The following PRDM16 variants were observed in gnomAD, a reference collection of about 807,000 sequenced individuals.
PRDM16 encodes histone-lysine N-methyltransferase PRDM16.
A neutral mutation model predicts 110.6 loss-of-function variants in PRDM16; 23 were observed. The observed-to-expected ratio is 0.21, with a 90% CI of 0.15 to 0.29. The LOEUF (loss-of-function observed/expected upper bound fraction) is 0.29, where lower values mean the gene tolerates loss of function less well. Ranked by LOEUF, PRDM16 falls within the 10% of genes least tolerant of loss-of-function variation. The pLI is 1.00. For missense variants in PRDM16, 1,615 were observed against 1,794.3 expected (o/e 0.90, Z 1.81); for synonymous variants, 799 against 781.8 (o/e 1.02, Z -0.37).
rs1386351372 is a variant in PRDM16 at position 3,255,103 on chromosome 1, T to C, written c.438+10966T>C. Among the ~76,000 whole-genome samples the C allele has an allele frequency of 2.0e-5, 3 of 152,068 alleles. No homozygotes were observed. The highest frequency in any genetic ancestry group is 4.2e-4 in the South Asian group (2 of 4,800). On this transcript the variant is annotated intron_variant, in intron 3 of 16. Transcript: ENST00000270722. This position sits in a 1 kb window ranked among gnomAD's most constrained non-coding sequence, Gnocchi z 4.7. Reference sequence around the variant, plus strand: ...TGGTGCTGGGAAAACTGGCTAGCCATATGTAGAAAGCTGAAACTGGATCCC... The same window carrying C: ...TGGTGCTGGGAAAACTGGCTAGCCACATGTAGAAAGCTGAAACTGGATCCC...
Position 3,385,236 on chromosome 1 carries a change from G to C in PRDM16, c.523G>C (p.Ala175Pro), listed in dbSNP as rs1440344671. 1 of 1,613,618 alleles carries C rather than the reference G, an allele frequency of 6.2e-7. No individual in the cohort carries two copies. The highest frequency in any genetic ancestry group is 2.2e-5 in the East Asian group (1 of 44,896). ...AGSWLKYIRV[A>P]CSCDDQNLTM... ...CAGCTGGCTCAAGTACATCCGTGTG[G>C]CGTGCTCCTGCGATGACCAGAACCT... Residue 175 changes from alanine (A) to proline (P), a missense_variant, in exon 4 of 17, where the codon GCG becomes CCG. Coordinates refer to ENST00000270722, the MANE Select transcript of PRDM16 (RefSeq NM_022114.4).
intron 1 of PRDM16, among the ~76,000 whole-genome samples, chr1:3,170,770 C>T (rs751269141): frequency 2.6e-5 from 4 of 152,050 alleles, no homozygotes; most frequent in Non-Finnish European, 5.9e-5. Flanking sequence ...GTCACCAGGG[C>T]TGGAGGCACA....
chr1:3,368,991 T>C (rs923235824), intron 3 of PRDM16, among the ~76,000 whole-genome samples: 2 of 152,240 alleles, frequency 1.3e-5, no homozygotes, highest in African/African-American at 4.8e-5. Context: ...ATTTGTGTCA[T>C]ATAAGTGCTT....
chr1:3,334,890 G>A (rs1341808337), intron 3 of PRDM16, among the ~76,000 whole-genome samples: 4 of 152,200 alleles, frequency 2.6e-5, no homozygotes, highest in Admixed American at 6.5e-5. Flanking sequence ...CCCTGAGGTC[G>A]CCAACTAGGA....
intron 1 of PRDM16, among the ~76,000 whole-genome samples, chr1:3,180,793 G>A (rs1352424483): frequency 1.4e-5 from 2 of 141,130 alleles, no homozygotes; most frequent in African/African-American, 5.5e-5. Flanking sequence ...GCTGGGGTCA[G>A]CTGAGGTTGC....
chr1:3,422,217 G>T (rs1377334395), intron 12 of PRDM16, among the ~76,000 whole-genome samples: 4 of 148,530 alleles, frequency 2.7e-5, no homozygotes, highest in African/African-American at 7.5e-5. Context: ...TGGACAGACA[G>T]GCAGACAGAC....
At chr1:3,095,329 C>G (rs1228712251) in intron 1 of PRDM16, among the ~76,000 whole-genome samples, 4 of 152,120 alleles carry the variant, frequency 2.6e-5, no homozygotes, top group African/African-American at 9.7e-5. Flanking sequence ...GAGTAGCAAA[C>G]AACTCGGTGT....
intron 1 of PRDM16, among the ~76,000 whole-genome samples, chr1:3,170,699 G>A (rs1403544105): frequency 6.6e-6 from 1 of 152,168 alleles, no homozygotes; most frequent in Non-Finnish European, 1.5e-5. Context: ...GGGGCCCGGG[G>A]GAGCAGGGGA....
intron 1 of PRDM16, among the ~76,000 whole-genome samples, chr1:3,144,283 A>T (rs1643604702): frequency 6.6e-6 from 1 of 152,088 alleles, no homozygotes; most frequent in African/African-American, 2.4e-5. Flanking sequence ...GGTCCCTGGG[A>T]GGGAGAGAGG....
At chr1:3,356,140 C>G (rs1340924520) in intron 3 of PRDM16, among the ~76,000 whole-genome samples, 1 of 152,244 alleles carries the variant, frequency 6.6e-6, no homozygotes, top group East Asian at 1.9e-4. Context: ...AGGGCGTTAG[C>G]AGAACCTCCC....
Position 3,089,246 on chromosome 1 carries a change from C to A in PRDM16, c.37+19950C>A, listed in dbSNP as rs1175111841. Among the ~76,000 whole-genome samples, 3 of 152,208 alleles carry A rather than the reference C, an allele frequency of 2.0e-5. 1 individual carries two copies. In the East Asian group the frequency reaches 5.8e-4, roughly 29 times the overall value. ...CCCTGCCTGGAGAAGGGGTGTGGACCCCGAAACTCCTTGCACCCAGCTCCC... is the reference window on the plus strand; with the variant it reads ...CCCTGCCTGGAGAAGGGGTGTGGACACCGAAACTCCTTGCACCCAGCTCCC... On this transcript the variant is annotated intron_variant, in intron 1 of 16. Coordinates refer to ENST00000270722, the MANE Select transcript of PRDM16 (RefSeq NM_022114.4).
chr1:3,434,133 A>C lies in PRDM16; in HGVS notation c.*322A>C, dbSNP rs901186189. The stretch of plus-strand genomic sequence containing the variant: ...CAGGTGGACGCTCTGCTGAGACAGA[A>C]GCTGGTGGCCACTGCCGGGTGCCCG... On this transcript the variant is annotated 3_prime_UTR_variant, in exon 17 of 17. Transcript: ENST00000270722. The C allele has an allele frequency of 1.7e-5, 6 of 344,662 alleles. No homozygotes were observed. The highest frequency in any genetic ancestry group is 2.7e-5 in the Non-Finnish European group (5 of 188,634). 21.4% of individuals were successfully genotyped at this position (344,662 alleles called of 1,614,324 possible).
chr1:3,149,415 AC>A (rs1198492688), intron 1 of PRDM16, among the ~76,000 whole-genome samples: 1 of 151,620 alleles, frequency 6.6e-6, no homozygotes, highest in Non-Finnish European at 1.5e-5. Flanking sequence ...ACAGCCTGGG[AC>A]CCCCACTATG....
chr1:3,185,560 C>T (rs1424596612), intron 1 of PRDM16, among the ~76,000 whole-genome samples: 1 of 152,192 alleles, frequency 6.6e-6, no homozygotes, highest in East Asian at 1.9e-4. Context: ...GTCCAGGCTG[C>T]AGCCCAAGTG....
At chr1:3,247,044 C>T (rs1055870074) in intron 3 of PRDM16, among the ~76,000 whole-genome samples, 2 of 152,148 alleles carry the variant, frequency 1.3e-5, no homozygotes, top group Middle Eastern at 3.2e-3. Context: ...GAATTCAGTA[C>T]AGTCCTTCCT....
intron 3 of PRDM16, among the ~76,000 whole-genome samples, chr1:3,293,514 T>C (rs1004045890): frequency 1.4e-4 from 21 of 152,196 alleles, no homozygotes; most frequent in African/African-American, 4.6e-4. Context: ...CGCAAACTTA[T>C]CAGAGGCAGT....
chr1:3,321,369 T>C (rs1641739901), intron 3 of PRDM16, among the ~76,000 whole-genome samples: 1 of 139,086 alleles, frequency 7.2e-6, no homozygotes, highest in Non-Finnish European at 1.5e-5. Flanking sequence ...TGTGACTATG[T>C]GCATTTGTGT....
chr1:3,198,435 G>T (rs1442871336), intron 2 of PRDM16, among the ~76,000 whole-genome samples: 1 of 152,242 alleles, frequency 6.6e-6, no homozygotes, highest in African/African-American at 2.4e-5. Context: ...TCACTCAGCT[G>T]CCAGGATGCC....
rs560984525 is a variant in PRDM16, at chr1:3,181,380, A to G, written c.38-4745A>G. On this transcript the variant is annotated intron_variant, in intron 1 of 16. Transcript: ENST00000270722. ...CACACGGTCTTACACACGCAGTCTT[A>G]CACACGGCCTTACGCATGGTCTTAC... is the stretch of plus-strand genomic sequence containing the variant. Among the ~76,000 whole-genome samples the G allele has an allele frequency of 4.9e-4, 32 of 65,684 alleles. 8 individuals carry two copies. The highest frequency in any genetic ancestry group is 1.6e-3 in the African/African-American group (29 of 18,594). The allele number at this position is 65,684 out of a possible 152,430, so 43.1% of individuals were successfully genotyped here.
Sources: gnomAD v4.1 joint callset for allele counts (sites outside exome capture counted in the v4.1 genomes callset) on GRCh38, gnomAD v4.1.1 for gene constraint, Gnocchi (gnomAD v3.1) non-coding constraint, MANE v1.5 for transcripts, NCBI Gene and HGNC (gene_info 2026-07-23, HGNC 2026-07-21) for gene names.